The following KLF11 variants were observed in gnomAD, a reference collection of about 807,000 sequenced individuals.
The protein encoded by KLF11 is Krueppel-like factor 11.
In KLF11, 26 loss-of-function variants were observed where a neutral mutation model predicts 29.9. The observed-to-expected ratio is 0.87, with a 90% CI of 0.64 to 1.21. The LOEUF (loss-of-function observed/expected upper bound fraction) is 1.21, where lower values mean the gene tolerates loss of function less well. Ranked by LOEUF, KLF11 falls within the 50% of genes most tolerant of loss-of-function variation. The probability of loss-of-function intolerance (pLI) is 0.00; values close to 1 mark genes in which losing one functional copy is unlikely to be tolerated. For missense variants in KLF11, 778 were observed against 665.7 expected, an observed-to-expected ratio of 1.17 and a Z score of -1.86; for synonymous variants, 318 against 257.4, an observed-to-expected ratio of 1.24 and a Z score of -2.25.
chr2:10,043,968 G>A (rs948266892), intron 1 of KLF11: 5 of 903,654 alleles, frequency 5.5e-6, no homozygotes, highest in Non-Finnish European at 6.7e-6. Flanking sequence ...GCGAGGAGGG[G>A]GCGTGTTCCC....
rs1407989496 is a variant in KLF11 at position 10,054,507 on chromosome 2, T to C, written c.*2000T>C. ...GTAAACCATCCCCCTTCCACCTCCA[T>C]TTGTCTGTTGAAAGATTTTAAGTTG... On this transcript the variant is annotated 3_prime_UTR_variant, in exon 4 of 4. Transcript: ENST00000305883. The C allele has an allele frequency of 6.5e-6, 1 of 152,698 alleles. No individual in the cohort carries two copies. Among genetic ancestry groups the C allele is most frequent in the Admixed American group, 6.5e-5 (1 of 15,286 alleles). The allele number at this position is 152,698 out of a possible 1,614,324, so 9.5% of individuals were successfully genotyped here.
chr2:10,047,607 TA>T (rs749676705), intron 2 of KLF11, 42 bp from the exon 3 acceptor site: 39 of 1,525,010 alleles, frequency 2.6e-5, no homozygotes, highest in Non-Finnish European at 3.0e-5. Flanking sequence ...AAATCCCTTT[TA>T]AAATTTAAAG....
Position 10,051,426 on chromosome 2 carries a change from C to T in KLF11, c.1259-801C>T, listed in dbSNP as rs549685196. Among the ~76,000 whole-genome samples, 12 of 152,266 alleles carry T rather than the reference C, an allele frequency of 7.9e-5. No individual in the cohort carries two copies. The South Asian group carries it at 8.3e-4, about 11-fold the overall frequency. ...TTCGCCATGTTGGTCAGGCTGGTCT[C>T]GAACTTCTGACCTCAGGTGGTCTGC... On this transcript the variant is annotated intron_variant, in intron 3 of 3. Transcript: ENST00000305883.
In KLF11 at chr2:10,047,911, A is replaced by G. The variant is rs1436751462; in HGVS notation, c.574A>G (p.Thr192Ala). Residue 192 changes from threonine to alanine, a missense_variant, in exon 3 of 4, where the codon ACT (threonine) becomes GCT (alanine). Transcript: ENST00000305883. The stretch of plus-strand genomic sequence containing the variant: ...TGCTGCCTGCTTTCCCACCATCCAG[A>G]CTCCAGATTGCCGGCTTTCTGACAG... ...SPAACFPTIQ[T>A]PDCRLSDSRE... 13 of 1,613,500 alleles carry G rather than the reference A, an allele frequency of 8.1e-6. No individual in the cohort carries two copies. The South Asian group carries it at 1.4e-4, about 18-fold the overall frequency.
In KLF11 at chr2:10,048,234, A is replaced by T. The variant is rs1279285854; in HGVS notation, c.897A>T (p.Leu299Phe). 6.2e-7 allele frequency: 1 copy of T among 1,613,416 alleles called. No individual in the cohort carries two copies. The highest frequency in any genetic ancestry group is 1.7e-5 in the Admixed American group (1 of 60,010). Residue 299 changes from leucine to phenylalanine, a missense_variant, in exon 3 of 4, where the codon TTA (leucine) becomes TTT (phenylalanine). Transcript: ENST00000305883. ...CTGTGACTGGACAAAGTAGCATGTT[A>T]CCAGCTTTTTTGAAGCCCCCTCCCC... ...MIPVTGQSSM[L>F]PAFLKPPPQL... is the part of the protein sequence containing the mutation.
At chr2:10,044,273 G>A (rs1209127769) in intron 1 of KLF11, 2 of 981,070 alleles carry the variant, frequency 2.0e-6, no homozygotes, top group African/African-American at 3.5e-5. Context: ...GGAGGCGGGA[G>A]CGCCGCACTG....
chr2:10,043,977 C>T (rs1460752764), intron 1 of KLF11: 3 of 881,094 alleles, frequency 3.4e-6, no homozygotes, highest in East Asian at 1.1e-4. Context: ...GGGCGTGTTC[C>T]CCGCGCAGCT....
Position 10,043,757 on chromosome 2 carries a change from C to G in KLF11, c.41C>G (p.Ala14Gly). ...TTCGCAGGCCCAGACGACGCGCGCGCAGTGAGTGGTGGGGCTGCCGCGGCG... is the reference window on the plus strand; with the variant it reads ...TTCGCAGGCCCAGACGACGCGCGCGGAGTGAGTGGTGGGGCTGCCGCGGCG... ...PDFAGPDDARAVDIMDICESI... is the reference protein window; with the variant it reads ...PDFAGPDDARGVDIMDICESI... Residue 14 changes from alanine (A) to glycine (G), a missense_variant and splice_region_variant, in exon 1 of 4, where the codon GCA (alanine) becomes GGA (glycine). Ala to Gly is a moderately conservative substitution (Grantham distance 60, BLOSUM62 0). Coordinates refer to ENST00000305883, the MANE Select transcript of KLF11 (RefSeq NM_003597.5). 1 of 1,383,030 alleles carries G rather than the reference C, an allele frequency of 7.2e-7. No individual in the cohort carries two copies. Among genetic ancestry groups the G allele is most frequent in the South Asian group, 1.3e-5 (1 of 78,888 alleles). 85.7% of individuals were successfully genotyped at this position (1,383,030 alleles called of 1,614,324 possible). A position where few individuals can be genotyped will look rare whatever the true frequency, so the allele number is the denominator to read the frequency against.
At chr2:10,044,508 C>G (rs1473414030) in intron 1 of KLF11, 4 of 917,266 alleles carry the variant, frequency 4.4e-6, no homozygotes, top group South Asian at 1.0e-4. Context: ...GTGGCGCAGC[C>G]TGCGGGACAG....
At chr2:10,051,960 G>A (rs1035962201) in intron 3 of KLF11, among the ~76,000 whole-genome samples, 1 of 152,200 alleles carries the variant, frequency 6.6e-6, no homozygotes, top group East Asian at 1.9e-4. Flanking sequence ...TTGAGCCGCT[G>A]TACTTGTACT....
chr2:10,045,690 C>T (rs2125276661), intron 1 of KLF11, among the ~76,000 whole-genome samples: 2 of 152,352 alleles, frequency 1.3e-5, no homozygotes, highest in Middle Eastern at 3.4e-3. Flanking sequence ...TCCCTGAGAG[C>T]ATCTGTAGGG....
chr2:10,043,904 G>A (rs1661077395), intron 1 of KLF11, 146 bp downstream of exon 1: 1 of 1,038,608 alleles, frequency 9.6e-7, no homozygotes, highest in Non-Finnish European at 1.2e-6. Context: ...GCCTGGGCGG[G>A]CTCCGGAGCC....
Position 10,050,103 on chromosome 2 carries a change from T to C in KLF11, c.1258+1508T>C, listed in dbSNP as rs141137717. On this transcript the variant is annotated intron_variant, in intron 3 of 3. Coordinates refer to ENST00000305883, the MANE Select transcript of KLF11 (RefSeq NM_003597.5). The stretch of plus-strand genomic sequence containing the variant: ...TGAAACAAGTTGCTTCCATGTTTCC[T>C]AAAGTACTTCCAATTCAATAACAGG... Among the ~76,000 whole-genome samples the C allele has an allele frequency of 1.9e-3, 297 of 152,342 alleles. 6 individuals carry two copies. The highest frequency in any genetic ancestry group is 0.016 in the Admixed American group (243 of 15,302).
chr2:10,051,490 A>G (rs1430418380), intron 3 of KLF11, among the ~76,000 whole-genome samples: 1 of 152,012 alleles, frequency 6.6e-6, no homozygotes, highest in Non-Finnish European at 1.5e-5. Flanking sequence ...TACAGGCGTG[A>G]GCCACCGTGC....
Position 10,052,968 on chromosome 2 carries a change from A to C in KLF11, c.*461A>C, listed in dbSNP as rs1341926194. On this transcript the variant is annotated 3_prime_UTR_variant, in exon 4 of 4. Transcript: ENST00000305883. ...GCCTTCTTTTCAGTGTTTAATAACAAAGTTTTTCCTAATGGCCCTTCTTTT... is the reference window on the plus strand; with the variant it reads ...GCCTTCTTTTCAGTGTTTAATAACACAGTTTTTCCTAATGGCCCTTCTTTT... 1 of 353,788 alleles carries C rather than the reference A, an allele frequency of 2.8e-6. No individual in the cohort carries two copies. The highest frequency in any genetic ancestry group is 2.1e-5 in the African/African-American group (1 of 47,794). 21.9% of individuals were successfully genotyped at this position (353,788 alleles called of 1,614,324 possible). A position where few individuals can be genotyped will look rare whatever the true frequency, so the allele number is the denominator to read the frequency against.
intron 1 of KLF11, chr2:10,044,516 C>T (rs577559891): frequency 5.9e-5 from 52 of 885,026 alleles, no homozygotes; most frequent in South Asian, 1.5e-4. Context: ...GCCTGCGGGA[C>T]AGAGGCCGGG....
intron 1 of KLF11, among the ~76,000 whole-genome samples, chr2:10,045,720 G>A (rs1208418019): frequency 2.0e-5 from 3 of 152,232 alleles, no homozygotes; most frequent in African/African-American, 7.2e-5. Context: ...TGGCGGCTTT[G>A]CCGCCTCAGA....
chr2:10,047,470 C>T (rs772130391), intron 2 of KLF11, among the ~76,000 whole-genome samples, 180 bp from the exon 3 acceptor site: 1 of 152,174 alleles, frequency 6.6e-6, no homozygotes, highest in African/African-American at 2.4e-5. Context: ...GAGGTAAACA[C>T]GTTGGGAATA....
chr2:10,048,794 G>A (rs1661314628), intron 3 of KLF11, among the ~76,000 whole-genome samples, 199 bp downstream of exon 3: 1 of 152,104 alleles, frequency 6.6e-6, no homozygotes, highest in African/African-American at 2.4e-5. Context: ...TTTGCCTACA[G>A]AGCGCTCGCC....
Sources: allele counts gnomAD v4.1 joint callset (sites outside exome capture counted in the v4.1 genomes callset), GRCh38; gene constraint gnomAD v4.1.1; transcripts MANE v1.5; gene names NCBI Gene and HGNC (gene_info 2026-07-23, HGNC 2026-07-21).